The following HIVEP3 variants were observed in gnomAD, a reference collection of about 807,000 sequenced individuals.
HIVEP3 encodes the protein transcription factor HIVEP3.
HIVEP3 carries 49 observed loss-of-function variants against 152.8 expected under a neutral mutation model. The observed-to-expected ratio is 0.32, with a 90% CI of 0.26 to 0.41. HIVEP3 has a LOEUF of 0.41. HIVEP3 is among the 10% of genes least tolerant of loss of function. The pLI, the probability that HIVEP3 is intolerant of heterozygous loss-of-function variation, is 1.00. For missense variants in HIVEP3, 2,790 were observed against 3,103.3 expected (o/e 0.90, Z 2.40); for synonymous variants, 1,269 against 1,289.0 (o/e 0.98, Z 0.33).
intron 1 of HIVEP3, among the ~76,000 whole-genome samples, chr1:41,985,387 G>A (rs1219138642): frequency 6.6e-6 from 1 of 152,180 alleles, no homozygotes; most frequent in Non-Finnish European, 1.5e-5. Flanking sequence ...TCAGAGTTGT[G>A]GAGGCTGGAA....
At chr1:41,661,994 C>G (rs1024828538) in intron 2 of HIVEP3, 2 of 152,242 alleles carry the variant, frequency 1.3e-5, no homozygotes, top group African/African-American at 4.8e-5. Flanking sequence ...CACCGACGCA[C>G]TACTGCAAGC....
Position 41,584,815 on chromosome 1 carries a change from C to T in HIVEP3, c.-18G>A. The T allele has an allele frequency of 4.7e-6, 7 of 1,495,490 alleles. No homozygotes were observed. Among genetic ancestry groups the T allele is most frequent in the Non-Finnish European group, 5.3e-6 (6 of 1,122,376 alleles). The allele number at this position is 1,495,490 out of a possible 1,614,324, so 92.6% of individuals were successfully genotyped here. On this transcript the variant is annotated 5_prime_UTR_variant, in exon 4 of 9. Coordinates refer to ENST00000372583, the MANE Select transcript of HIVEP3 (RefSeq NM_024503.5). This position sits in a 1 kb window ranked among gnomAD's most constrained non-coding sequence, Gnocchi z 5.2. ...GGATCCATGACCTTCACAAAGACTT[C>T]AGATGCTATTCAGGGAGAGTCAGGG...
At chr1:41,786,938 C>T (rs1288603679) in intron 1 of HIVEP3, among the ~76,000 whole-genome samples, 1 of 151,812 alleles carries the variant, frequency 6.6e-6, no homozygotes, top group Non-Finnish European at 1.5e-5. Flanking sequence ...TTTTAGTAGA[C>T]ACGGAGTTTC....
chr1:41,512,852 G>C lies in HIVEP3; in HGVS notation c.6369C>G (p.Leu2123=). 6.5e-7 allele frequency: 1 copy of C among 1,540,366 alleles called. No individual in the cohort carries two copies. The highest frequency in any genetic ancestry group is 8.8e-7 in the Non-Finnish European group (1 of 1,138,484). The change falls in exon 8 of 9, where the codon CTC becomes CTG. Residue 2123 remains leucine, a synonymous_variant. Coordinates refer to ENST00000372583, the MANE Select transcript of HIVEP3 (RefSeq NM_024503.5). ...LFPPAPLPHK[L]LSRSPETCAS... is the part of the protein sequence containing the mutation. ...CGCAGGTCTCTGGGCTTCTGCTGAG[G>C]AGCTTGTGAGGTAGAGGCGCGGGCG...
intron 1 of HIVEP3, among the ~76,000 whole-genome samples, chr1:41,826,580 A>T (rs1642810332): frequency 6.6e-6 from 1 of 152,206 alleles, no homozygotes; most frequent in Admixed American, 6.5e-5. Flanking sequence ...GGGCCCTCAC[A>T]GACAGGGCAC....
intron 1 of HIVEP3, among the ~76,000 whole-genome samples, chr1:41,749,053 CTT>C (rs933854465): frequency 8.5e-5 from 13 of 152,210 alleles, no homozygotes; most frequent in African/African-American, 2.9e-4. Flanking sequence ...TTGTCTCTCT[CTT>C]GTCCACCCTG....
intron 1 of HIVEP3, among the ~76,000 whole-genome samples, chr1:41,709,547 T>C (rs1185421108): frequency 4.6e-5 from 7 of 152,168 alleles, no homozygotes; most frequent in Non-Finnish European, 7.4e-5. Flanking sequence ...TCTTCCTTGT[T>C]TAGGGCAGGA....
chr1:41,830,951 T>A (rs1337722128), intron 1 of HIVEP3, among the ~76,000 whole-genome samples: 1 of 152,238 alleles, frequency 6.6e-6, no homozygotes, highest in Admixed American at 6.5e-5. Flanking sequence ...ATCTCAGAGA[T>A]GACTTCTCTG....
chr1:41,895,874 C>T (rs767292566), intron 1 of HIVEP3, among the ~76,000 whole-genome samples: 1 of 152,176 alleles, frequency 6.6e-6, no homozygotes, highest in Non-Finnish European at 1.5e-5. Flanking sequence ...GGCTTAAAGA[C>T]AGAGAGACTA....
intron 2 of HIVEP3, among the ~76,000 whole-genome samples, chr1:41,649,373 A>G (rs1028127686): frequency 6.6e-6 from 1 of 152,146 alleles, no homozygotes; most frequent in Non-Finnish European, 1.5e-5. Context: ...AGGAATCTGT[A>G]TTTCCCCAAT....
Position 41,583,478 on chromosome 1 carries a change from G to A in HIVEP3, c.1320C>T (p.Leu440=), listed in dbSNP as rs1644452567. ...AMLTATSTQP[L]LPLSTEDKPS... ...GCTTGTCTTCGGTGGACAGGGGCAG[G>A]AGGGGCTGGGTGGAGGTGGCTGTCA... Residue 440 remains leucine (L), a synonymous_variant, in exon 4 of 9, where the codon CTC becomes CTT. Coordinates refer to ENST00000372583, the MANE Select transcript of HIVEP3 (RefSeq NM_024503.5). The surrounding 1 kb of genome is among the most constrained non-coding windows in gnomAD (Gnocchi z 6.9). 7 of 1,613,994 alleles carry A rather than the reference G, an allele frequency of 4.3e-6. No individual in the cohort carries two copies. The highest frequency in any genetic ancestry group is 5.9e-6 in the Non-Finnish European group (7 of 1,179,936).
chr1:41,617,057 C>T (rs1644979581), intron 3 of HIVEP3, among the ~76,000 whole-genome samples: 1 of 152,188 alleles, frequency 6.6e-6, no homozygotes, highest in South Asian at 2.1e-4. Flanking sequence ...ACCCTGTGCT[C>T]CTAACCACTC....
intron 1 of HIVEP3, among the ~76,000 whole-genome samples, chr1:41,846,802 T>G (rs147628062): frequency 0.016 from 2,497 of 152,358 alleles, 39 homozygotes; most frequent in Non-Finnish European, 0.021. Flanking sequence ...GCCTGGTGCC[T>G]TGCAACAGCG....
intron 1 of HIVEP3, among the ~76,000 whole-genome samples, chr1:41,738,228 G>A (rs943042361): frequency 4.6e-5 from 7 of 152,164 alleles, no homozygotes; most frequent in East Asian, 1.9e-4. Context: ...ATATAGACAA[G>A]CAGCTGGGTC....
chr1:41,735,927 AG>A (rs1242442248), intron 1 of HIVEP3, among the ~76,000 whole-genome samples: 1 of 152,148 alleles, frequency 6.6e-6, no homozygotes, highest in African/African-American at 2.4e-5. Flanking sequence ...AAGAAGGAAG[AG>A]GAGAGAAAAA....
intron 1 of HIVEP3, among the ~76,000 whole-genome samples, chr1:42,003,694 AAAG>A (rs1645441732): frequency 6.6e-6 from 1 of 152,044 alleles, no homozygotes; most frequent in Non-Finnish European, 1.5e-5. Context: ...TCTCCTTTCT[AAAG>A]AAGGATCACA....
At chr1:41,735,163 G>T (rs996910911) in intron 1 of HIVEP3, among the ~76,000 whole-genome samples, 1 of 152,232 alleles carries the variant, frequency 6.6e-6, no homozygotes, top group African/African-American at 2.4e-5. Flanking sequence ...GAGGCTCAGA[G>T]AGGTGGAATC....
rs12030337 is a variant in HIVEP3 at position 41,778,768 on chromosome 1, A to G, written c.-800-77773T>C. Among the ~76,000 whole-genome samples, 454 of 152,320 alleles carry G rather than the reference A, an allele frequency of 3.0e-3. 20 individuals carry two copies. The East Asian group carries it at 0.075, about 25-fold the overall frequency. ...CTAGAGGGGAGGTGAATTAATATGT[A>G]TCATCTGGCAGTAAGTGGTAAGAAG... On this transcript the variant is annotated intron_variant, in intron 1 of 8. Transcript: ENST00000372583.
At chr1:41,746,998 G>T (rs1047840888) in intron 1 of HIVEP3, among the ~76,000 whole-genome samples, 1 of 152,030 alleles carries the variant, frequency 6.6e-6, no homozygotes, top group African/African-American at 2.4e-5. Context: ...CATGGGTCAG[G>T]GAGCATGAAA....
Sources: gnomAD v4.1 joint callset for allele counts (sites outside exome capture counted in the v4.1 genomes callset) on GRCh38, gnomAD v4.1.1 for gene constraint, Gnocchi (gnomAD v3.1) non-coding constraint, MANE v1.5 for transcripts, NCBI Gene and HGNC (gene_info 2026-07-23, HGNC 2026-07-21) for gene names.